POC1B: variants seen among roughly 807,000 people sequenced by gnomAD.
The protein encoded by POC1B is POC1 centriolar protein homolog B.
POC1B carries 44 observed loss-of-function variants against 60.6 expected under a neutral mutation model. The ratio of observed to expected loss-of-function variants is 0.73; its 90% CI spans 0.57 to 0.93. The LOEUF (loss-of-function observed/expected upper bound fraction) is 0.93, where lower values mean the gene tolerates loss of function less well. POC1B is among the 40% of genes least tolerant of loss of function. The pLI, the probability that POC1B is intolerant of heterozygous loss-of-function variation, is 0.00. For missense variants in POC1B, 555 were observed against 572.3 expected (o/e 0.97, Z 0.31); for synonymous variants, 180 against 198.9 (o/e 0.90, Z 0.80).
chr12:89,474,825 G>A (rs992661195), intron 4 of POC1B, among the ~76,000 whole-genome samples: 2 of 152,186 alleles, frequency 1.3e-5, no homozygotes, highest in African/African-American at 2.4e-5. Flanking sequence ...GAGGAACCAC[G>A]AGGCAGTGCT....
intron 2 of POC1B, among the ~76,000 whole-genome samples, chr12:89,517,855 C>T (rs1345737438): frequency 6.6e-6 from 1 of 152,096 alleles, no homozygotes; most frequent in African/African-American, 2.4e-5. Flanking sequence ...CACACAGTAG[C>T]CTTAACTAAA....
chr12:89,497,941 A>G (rs1056800403), intron 2 of POC1B, among the ~76,000 whole-genome samples: 1 of 152,100 alleles, frequency 6.6e-6, no homozygotes, highest in African/African-American at 2.4e-5. Flanking sequence ...ACACAAACAC[A>G]TACGTATTTT....
intron 2 of POC1B, chr12:89,523,209 AG>A (rs774200674): frequency 1.2e-6 from 2 of 1,614,022 alleles, no homozygotes; most frequent in Non-Finnish European, 1.7e-6. Flanking sequence ...TACTGCGAAT[AG>A]CCCCATGCCA....
chr12:89,525,675 G>C (rs989093333), intron 1 of POC1B: 12 of 1,245,904 alleles, frequency 9.6e-6, no homozygotes, highest in Middle Eastern at 3.0e-4. Context: ...GGGGAAGAGC[G>C]TCCGGGAGCC....
At chr12:89,523,456 G>A (rs775124584) in intron 2 of POC1B, 2 of 1,614,050 alleles carry the variant, frequency 1.2e-6, no homozygotes, top group Non-Finnish European at 1.7e-6. Flanking sequence ...TGCCCGCTTG[G>A]GGAACACATG....
intron 1 of POC1B, chr12:89,525,451 A>C (rs1871374937): frequency 2.2e-6 from 3 of 1,355,378 alleles, no homozygotes; most frequent in East Asian, 3.0e-5. Flanking sequence ...CCCAGAGTCC[A>C]GCGCATCGCA....
At chr12:89,444,011 G>T (rs1881652506) in intron 10 of POC1B, among the ~76,000 whole-genome samples, 1 of 152,130 alleles carries the variant, frequency 6.6e-6, no homozygotes. Context: ...TAGAAGAAAT[G>T]GATAAATTCC....
At chr12:89,407,257 G>T in the POC1B span, among the ~76,000 whole-genome samples, 2 of 151,550 alleles carry the variant, frequency 1.3e-5, no homozygotes, top group Admixed American at 6.6e-5. Flanking sequence ...TGGGCGGATG[G>T]AGTCTCATTC....
intron 2 of POC1B, chr12:89,502,127 A>C: frequency 8.5e-7 from 1 of 1,182,862 alleles, no homozygotes; most frequent in East Asian, 2.3e-5. Flanking sequence ...GATTCTGGAG[A>C]GCATAAGACT....
intron 3 of POC1B, among the ~76,000 whole-genome samples, chr12:89,492,756 C>G (rs954742767): frequency 1.3e-5 from 2 of 152,200 alleles, no homozygotes; most frequent in Non-Finnish European, 2.9e-5. Context: ...TCACACTCAA[C>G]TCCTGCTTCC....
intron 4 of POC1B, among the ~76,000 whole-genome samples, chr12:89,488,200 T>C (rs1452303821): frequency 1.3e-5 from 2 of 152,158 alleles, no homozygotes; most frequent in African/African-American, 2.4e-5. Flanking sequence ...TTTACTTCCA[T>C]AAAAAATTTT....
chr12:89,466,796 G>T lies in POC1B; in HGVS notation c.1006C>A (p.His336Asn), dbSNP rs139226294. The change falls in exon 9 of 12, where the codon CAT (histidine) becomes AAT (asparagine). Residue 336 changes from histidine to asparagine, a missense_variant. Coordinates refer to ENST00000313546, the MANE Select transcript of POC1B (RefSeq NM_172240.3). ...LDIYPRTPHP[H>N]EEKVETVEIN... is the part of the protein sequence containing the mutation. ...TCTACAGTCTCAACTTTTTCCTCAT[G>T]GGGATGTGGTGTTCTTGGGTAGATA... is the stretch of plus-strand genomic sequence containing the variant. The T allele has an allele frequency of 5.0e-6, 8 of 1,612,128 alleles. No individual in the cohort carries two copies. The African/African-American group carries it at 9.4e-5, about 19-fold the overall frequency.
intron 2 of POC1B, among the ~76,000 whole-genome samples, chr12:89,504,892 G>T (rs1327564979): frequency 6.6e-6 from 1 of 152,044 alleles, no homozygotes; most frequent in Non-Finnish European, 1.5e-5. Context: ...ACCACTTGAG[G>T]CCAGGAGTTT....
At chr12:89,501,161 T>G in intron 2 of POC1B, 1 of 1,409,328 alleles carries the variant, frequency 7.1e-7, no homozygotes, top group Non-Finnish European at 1.0e-6. Context: ...CATCATAATA[T>G]ATTAGCTAAG....
chr12:89,407,808 TTTATTA>T, the POC1B span, among the ~76,000 whole-genome samples: 5,292 of 152,068 alleles, frequency 0.035, 295 homozygotes, highest in East Asian at 0.25. Context: ...TAGCCTAGGA[TTTATTA>T]TTATTATTAT....
chr12:89,435,669 TAATAAAAAC>T (rs1303190891), intron 10 of POC1B, among the ~76,000 whole-genome samples: 1 of 152,176 alleles, frequency 6.6e-6, no homozygotes, highest in Non-Finnish European at 1.5e-5. Flanking sequence ...AAAGCAAAGA[TAATAAAAAC>T]AATGGCTATG....
intron 10 of POC1B, among the ~76,000 whole-genome samples, chr12:89,449,281 T>A (rs1881936637): frequency 6.6e-6 from 1 of 152,166 alleles, no homozygotes; most frequent in Non-Finnish European, 1.5e-5. Flanking sequence ...AGAATCTACA[T>A]GCATGCTTAG....
At chr12:89,466,705 A>T in intron 9 of POC1B, 65 bp downstream of exon 9, 1 of 1,452,760 alleles carries the variant, frequency 6.9e-7, no homozygotes, top group Non-Finnish European at 9.3e-7. Flanking sequence ...AATTTCAAAC[A>T]CCTCCTTCAG....
chr12:89,454,234 C>A (rs974667658), intron 10 of POC1B, among the ~76,000 whole-genome samples: 7 of 152,258 alleles, frequency 4.6e-5, no homozygotes, highest in Middle Eastern at 3.4e-3. Flanking sequence ...TCTTACTGTC[C>A]CTGGGGAAGG....
Sources: gnomAD v4.1 joint callset for allele counts (sites outside exome capture counted in the v4.1 genomes callset) on GRCh38, gnomAD v4.1.1 for gene constraint, MANE v1.5 for transcripts, NCBI Gene and HGNC (gene_info 2026-07-23, HGNC 2026-07-21) for gene names.